CDK17: variants seen among roughly 807,000 people sequenced by gnomAD.
The protein encoded by CDK17 is cyclin dependent kinase 17, also known as cyclin-dependent kinase 17.
A neutral mutation model predicts 77.6 loss-of-function variants in CDK17; 24 were observed. The observed-to-expected ratio is 0.31, with a 90% confidence interval of 0.22 to 0.44. The LOEUF is 0.44. Ranked by LOEUF, CDK17 falls within the 20% of genes least tolerant of loss-of-function variation. The pLI is 1.00. For synonymous variants in CDK17, 203 were observed against 210.4 expected (o/e 0.96, Z 0.30); for missense variants, 429 against 622.5 (o/e 0.69, Z 3.31).
At chr12:96,366,005 T>C (rs1953577846) in intron 1 of CDK17, among the ~76,000 whole-genome samples, 1 of 152,238 alleles carries the variant, frequency 6.6e-6, no homozygotes, top group Non-Finnish European at 1.5e-5. Flanking sequence ...CTCTCTCCTT[T>C]GGCAGAATCA....
chr12:96,312,113 C>G (rs1952652393), intron 4 of CDK17, among the ~76,000 whole-genome samples: 1 of 151,946 alleles, frequency 6.6e-6, no homozygotes, highest in African/African-American at 2.4e-5. Flanking sequence ...CCTGTCTCTA[C>G]AAAAAATACA....
At chr12:96,303,548 C>T (rs1821354275) in intron 5 of CDK17, 2 of 152,126 alleles carry the variant, frequency 1.3e-5, no homozygotes, top group Admixed American at 1.3e-4. Context: ...CCCCTTAATG[C>T]TGCTTTCCAG....
In CDK17 at chr12:96,278,880, T is replaced by C. The variant is rs945800423; in HGVS notation, c.*1362A>G. 1.2e-4 allele frequency: 18 copies of C among 152,522 alleles called. No individual in the cohort carries two copies. The highest frequency in any genetic ancestry group is 4.1e-4 in the African/African-American group (17 of 41,438). 9.4% of individuals were successfully genotyped at this position (152,522 alleles called of 1,614,324 possible). On this transcript the variant is annotated 3_prime_UTR_variant, in exon 17 of 17. Coordinates refer to ENST00000261211, the MANE Select transcript of CDK17 (RefSeq NM_002595.5). ...TAAAATGAAATATACAAAAATCCAC[T>C]TAATACTGTTAAATAACAACAATAA...
At chr12:96,323,268 T>TAAAAAAAAAAA (rs67003722) in intron 3 of CDK17, among the ~76,000 whole-genome samples, 1 of 96,812 alleles carries the variant, frequency 1.0e-5, no homozygotes, top group Non-Finnish European at 2.2e-5. Flanking sequence ...CCCCGTCTTC[T>TAAAAAAAAAAA]AAAAAAAAAA....
chr12:96,363,449 CA>C (rs34143645), intron 1 of CDK17, among the ~76,000 whole-genome samples: 3,630 of 110,676 alleles, frequency 0.033, 44 homozygotes, highest in South Asian at 0.057. Context: ...GACTTCGTCT[CA>C]AAAAAAAAAA....
At chr12:96,399,958 G>C in intron 1 of CDK17, 28 bp downstream of exon 1, 2 of 369,324 alleles carry the variant, frequency 5.4e-6, no homozygotes, top group East Asian at 7.9e-5. Context: ...AGGGGAAAGC[G>C]CGGCGCGGAC....
At chr12:96,342,855 G>C (rs563669669) in intron 1 of CDK17, among the ~76,000 whole-genome samples, 6 of 152,042 alleles carry the variant, frequency 3.9e-5, no homozygotes, top group Admixed American at 3.9e-4. Context: ...CCAGCTACTC[G>C]GGAGGCTGCC....
intron 1 of CDK17, among the ~76,000 whole-genome samples, chr12:96,381,451 TTATAGA>T (rs1222517241): frequency 2.0e-5 from 3 of 151,958 alleles, no homozygotes; most frequent in Non-Finnish European, 2.9e-5. Flanking sequence ...GAGGCAACTC[TTATAGA>T]TATACTGACA....
chr12:96,348,379 C>G (rs544143671), intron 1 of CDK17, among the ~76,000 whole-genome samples: 2 of 151,660 alleles, frequency 1.3e-5, no homozygotes, highest in African/African-American at 4.8e-5. Context: ...CAAAAATTAG[C>G]TGGACGTCAA....
At chr12:96,334,687 AG>A (rs1158929247) in intron 2 of CDK17, 31 bp downstream of exon 2, 1 of 1,071,980 alleles carries the variant, frequency 9.3e-7, no homozygotes, top group Admixed American at 1.8e-5. Flanking sequence ...AATTAAAAGG[AG>A]GAAGCATCTC....
chr12:96,322,186 C>G (rs1007612883), intron 3 of CDK17, among the ~76,000 whole-genome samples: 1 of 152,130 alleles, frequency 6.6e-6, no homozygotes, highest in Non-Finnish European at 1.5e-5. Flanking sequence ...CTTGTCAGAA[C>G]TTTACTCATC....
At chr12:96,372,893 C>T (rs1402872389) in intron 1 of CDK17, among the ~76,000 whole-genome samples, 1 of 152,012 alleles carries the variant, frequency 6.6e-6, no homozygotes, top group Admixed American at 6.6e-5. Flanking sequence ...TTGAATTAAC[C>T]AGAATTCTGA....
intron 1 of CDK17, among the ~76,000 whole-genome samples, chr12:96,353,706 G>C (rs1283329229): frequency 6.6e-6 from 1 of 151,984 alleles, no homozygotes; most frequent in African/African-American, 2.4e-5. Flanking sequence ...CACACTGTGA[G>C]ATTTGCTAGG....
At chr12:96,358,756 C>T (rs997427785) in intron 1 of CDK17, among the ~76,000 whole-genome samples, 2 of 152,030 alleles carry the variant, frequency 1.3e-5, no homozygotes, top group Admixed American at 6.5e-5. Context: ...GCCCAGGAGG[C>T]GAAGGCTGCA....
chr12:96,282,918 A>G (rs1055807739), intron 14 of CDK17, among the ~76,000 whole-genome samples: 1 of 152,186 alleles, frequency 6.6e-6, no homozygotes, highest in Non-Finnish European at 1.5e-5. Context: ...ATGAACACCA[A>G]AGGACTGGTG....
chr12:96,386,047 TCTAA>T, intron 1 of CDK17, among the ~76,000 whole-genome samples: 1 of 152,340 alleles, frequency 6.6e-6, no homozygotes, highest in Middle Eastern at 3.4e-3. Context: ...AGATAGGGTC[TCTAA>T]CTCTGTCACG....
chr12:96,338,764 C>T (rs963479651), intron 1 of CDK17, among the ~76,000 whole-genome samples: 2 of 135,966 alleles, frequency 1.5e-5, no homozygotes, highest in Non-Finnish European at 3.1e-5. Flanking sequence ...TGTCTGAAGC[C>T]ACTAAGGTTT....
intron 1 of CDK17, among the ~76,000 whole-genome samples, chr12:96,374,753 G>T (rs1953751386): frequency 6.6e-6 from 1 of 152,288 alleles, no homozygotes; most frequent in East Asian, 1.9e-4. Context: ...TACCAGTCAA[G>T]CAGTAAGCTT....
chr12:96,355,649 G>A (rs1282144556), intron 1 of CDK17, among the ~76,000 whole-genome samples: 2 of 152,026 alleles, frequency 1.3e-5, no homozygotes, highest in African/African-American at 2.4e-5. Flanking sequence ...CTTGTGATCC[G>A]CCCACCTCAG....
Sources: allele counts gnomAD v4.1 joint callset (sites outside exome capture counted in the v4.1 genomes callset), GRCh38; gene constraint gnomAD v4.1.1; transcripts MANE v1.5; gene names NCBI Gene and HGNC (gene_info 2026-07-23, HGNC 2026-07-21).